Variants in RP1 observed in about 807,000 individuals in gnomAD.
RP1 encodes the protein RP1 axonemal microtubule associated.
Under a neutral mutation model 14.8 loss-of-function variants are expected in RP1, and 16 were observed. That is an observed-to-expected ratio of 1.08 (90% confidence interval 0.73 to 1.65). RP1 has a LOEUF of 1.65. Ranked by LOEUF, RP1 falls within the 40% of genes most tolerant of loss-of-function variation. The pLI, the probability that RP1 is intolerant of heterozygous loss-of-function variation, is 0.00. For missense variants in RP1, 2,631 were observed against 2,535.0 expected (o/e 1.04, Z -0.81); for synonymous variants, 876 against 883.6 (o/e 0.99, Z 0.15).
chr8:54,857,765 C>T (rs1386741877), intron 27 of RP1, among the ~76,000 whole-genome samples: 2 of 152,124 alleles, frequency 1.3e-5, no homozygotes, highest in Non-Finnish European at 2.9e-5. Flanking sequence ...AGCAAACGCG[C>T]TGCTTGAACA....
chr8:54,670,951 A>G (rs55697612), intron 7 of RP1, among the ~76,000 whole-genome samples: 2 of 151,556 alleles, frequency 1.3e-5, no homozygotes, highest in African/African-American at 4.8e-5. Flanking sequence ...TCATATTTTC[A>G]TATGACTTCA....
chr8:54,711,902 A>T (rs1297518483), intron 15 of RP1, among the ~76,000 whole-genome samples: 1 of 152,202 alleles, frequency 6.6e-6, no homozygotes, highest in African/African-American at 2.4e-5. Context: ...GGCTTAAGAA[A>T]TGATCCAAAG....
At chr8:54,865,865 T>C in exon 28 of RP1, 1 of 1,229,688 alleles carries the variant, frequency 8.1e-7, no homozygotes. Context: ...AGTATTGTTG[T>C]TAAGTCTGAA....
chr8:54,692,845 G>T lies in RP1; in HGVS notation c.1718-6622G>T, dbSNP rs534836185. Among the ~76,000 whole-genome samples the T allele has an allele frequency of 3.3e-5, 5 of 151,996 alleles. No homozygotes were observed. The East Asian group carries it at 9.7e-4, about 29-fold the overall frequency. On this transcript the variant is annotated intron_variant, in intron 12 of 22. Coordinates refer to the RP1 transcript ENST00000636932. ...AATTAGATCCCATTTGCCAATTTTG[G>T]CTTTTGTTGCCATTGCTTTTGGTGT...
Position 54,794,023 on chromosome 8 carries a change from C to T in RP1, c.3615+10313C>T, listed in dbSNP as rs536434762. On this transcript the variant is annotated intron_variant, in intron 24 of 28. Transcript: ENST00000637698. ...TCTGTTGCATTTTCATACATCTCTA[C>T]ACTTAAAAAAATAAGTCATTGTTGA... 5.9e-5 allele frequency among the ~76,000 whole-genome samples: 9 copies of T among 151,886 alleles called. No individual in the cohort carries two copies. In the South Asian group the frequency reaches 1.7e-3, roughly 28 times the overall value.
At chr8:54,736,033 A>T (rs1003572679) in intron 18 of RP1, among the ~76,000 whole-genome samples, 3 of 152,150 alleles carry the variant, frequency 2.0e-5, no homozygotes, top group Non-Finnish European at 2.9e-5. Flanking sequence ...TGCCTGAGGT[A>T]CAGTCTGGGT....
At chr8:54,564,144 G>A (rs545284457) in intron 1 of RP1, among the ~76,000 whole-genome samples, 5 of 152,202 alleles carry the variant, frequency 3.3e-5, no homozygotes, top group South Asian at 2.1e-4. Context: ...ACAGTGGACA[G>A]ATGCCATTAC....
chr8:54,843,677 C>T (rs930045234), intron 25 of RP1, among the ~76,000 whole-genome samples: 1 of 152,286 alleles, frequency 6.6e-6, no homozygotes, highest in African/African-American at 2.4e-5. Flanking sequence ...AGGGAAGCTT[C>T]AGCCTAGGGG....
intron 24 of RP1, among the ~76,000 whole-genome samples, chr8:54,816,266 C>T (rs1045842484): frequency 8.5e-5 from 13 of 152,068 alleles, no homozygotes; most frequent in African/African-American, 3.1e-4. Flanking sequence ...ATTAAGAACC[C>T]ATAAAAATGA....
At chr8:54,786,391 G>A (rs1419468675) in intron 24 of RP1, among the ~76,000 whole-genome samples, 2 of 151,938 alleles carry the variant, frequency 1.3e-5, no homozygotes, top group African/African-American at 4.8e-5. Context: ...CTGCTTTCAA[G>A]ATTCTCTGCT....
intron 1 of RP1, among the ~76,000 whole-genome samples, chr8:54,569,293 G>A (rs1804472882): frequency 6.6e-6 from 1 of 152,212 alleles, no homozygotes; most frequent in Admixed American, 6.5e-5. Context: ...GATTCTTGGG[G>A]TCCCAAGGGA....
intron 18 of RP1, among the ~76,000 whole-genome samples, chr8:54,737,176 T>G (rs2129357406): frequency 6.6e-6 from 1 of 152,286 alleles, no homozygotes; most frequent in Admixed American, 6.5e-5. Flanking sequence ...GACAAATGAC[T>G]TAACCTGTTT....
intron 24 of RP1, among the ~76,000 whole-genome samples, chr8:54,797,334 C>T (rs1347912708): frequency 1.3e-5 from 2 of 152,042 alleles, no homozygotes; most frequent in South Asian, 2.1e-4. Context: ...TGATAATAGA[C>T]GTTAAGGTAG....
At chr8:54,862,089 A>G (rs1044628310) in intron 27 of RP1, among the ~76,000 whole-genome samples, 1 of 152,144 alleles carries the variant, frequency 6.6e-6, no homozygotes, top group African/African-American at 2.4e-5. Context: ...TTTTACCACC[A>G]CAAGAGAGTC....
intron 12 of RP1, among the ~76,000 whole-genome samples, chr8:54,698,008 T>C (rs202180757): frequency 3.9e-5 from 6 of 151,900 alleles, no homozygotes; most frequent in African/African-American, 1.5e-4. Context: ...AAAACACCAA[T>C]AGCAAGGGCA....
chr8:54,734,729 C>A (rs772486869), exon 18 of RP1: 1 of 1,531,094 alleles, frequency 6.5e-7, no homozygotes, highest in Non-Finnish European at 8.7e-7. Context: ...TTCCAGGACA[C>A]GAGGATGAGT....
At chr8:54,741,072 G>C (rs1809073013) in intron 19 of RP1, among the ~76,000 whole-genome samples, 1 of 151,456 alleles carries the variant, frequency 6.6e-6, no homozygotes, top group African/African-American at 2.4e-5. Flanking sequence ...AGAATATAAA[G>C]AAAGAAAATA....
chr8:54,743,060 C>T (rs1440993120), intron 19 of RP1, among the ~76,000 whole-genome samples: 1 of 152,032 alleles, frequency 6.6e-6, no homozygotes, highest in East Asian at 1.9e-4. Context: ...CTGTCATTAC[C>T]AAAGCAATGT....
At chr8:54,622,402 G>A (rs1805906089) in intron 3 of RP1, 114 bp downstream of exon 3, 2 of 858,886 alleles carry the variant, frequency 2.3e-6, no homozygotes. Flanking sequence ...GAAACGAAAA[G>A]GAGAGGATTT....
Sources: allele counts gnomAD v4.1 joint callset (sites outside exome capture counted in the v4.1 genomes callset), GRCh38; gene constraint gnomAD v4.1.1; transcripts MANE v1.5; gene names NCBI Gene and HGNC (gene_info 2026-07-23, HGNC 2026-07-21).